The following ATP6V1H variants were observed in gnomAD, a reference collection of about 807,000 sequenced individuals.
The protein encoded by ATP6V1H is V-type proton ATPase subunit H.
ATP6V1H carries 39 observed loss-of-function variants against 71.7 expected under a neutral mutation model. The observed-to-expected ratio is 0.54, with a 90% CI of 0.42 to 0.71. The LOEUF (loss-of-function observed/expected upper bound fraction) is 0.71, where lower values mean the gene tolerates loss of function less well. Ranked by LOEUF, ATP6V1H falls within the 30% of genes least tolerant of loss-of-function variation. The pLI is 0.00. For synonymous variants in ATP6V1H, 192 were observed against 199.3 expected (o/e 0.96, Z 0.31); for missense variants, 509 against 594.9 (o/e 0.86, Z 1.50).
chr8:53,808,699 G>GATCA (rs1400418056), intron 7 of ATP6V1H, among the ~76,000 whole-genome samples: 2 of 151,914 alleles, frequency 1.3e-5, no homozygotes, highest in East Asian at 1.9e-4. Context: ...TGGTGGTTGG[G>GATCA]CTGAGGCTGG....
intron 7 of ATP6V1H, among the ~76,000 whole-genome samples, chr8:53,809,581 C>T (rs1409884883): frequency 1.3e-5 from 2 of 152,186 alleles, no homozygotes; most frequent in African/African-American, 4.8e-5. Context: ...CAACACACCA[C>T]CAATTCAGTT....
chr8:53,764,335 C>T (rs1003824854), intron 11 of ATP6V1H, among the ~76,000 whole-genome samples: 6 of 152,118 alleles, frequency 3.9e-5, no homozygotes, highest in African/African-American at 1.4e-4. Flanking sequence ...TAAACTATGA[C>T]CAAACAGGAT....
intron 4 of ATP6V1H, among the ~76,000 whole-genome samples, chr8:53,824,540 C>A (rs1671256294): frequency 6.6e-6 from 1 of 152,022 alleles, no homozygotes; most frequent in African/African-American, 2.4e-5. Flanking sequence ...TGGGATTTAA[C>A]CTCGAATGCA....
At chr8:53,732,673 A>AG (rs1807065032) in intron 13 of ATP6V1H, among the ~76,000 whole-genome samples, 1 of 142,366 alleles carries the variant, frequency 7.0e-6, no homozygotes, top group African/African-American at 3.0e-5. Context: ...AAAAAAAAAG[A>AG]AAAAAAAAAG....
chr8:53,820,327 G>C (rs959772071), intron 4 of ATP6V1H, among the ~76,000 whole-genome samples: 1 of 151,572 alleles, frequency 6.6e-6, no homozygotes, highest in Non-Finnish European at 1.5e-5. Flanking sequence ...GCATCTTTAG[G>C]AGATTGGGTG....
chr8:53,819,580 ATATAT>A lies in ATP6V1H; in HGVS notation c.307-2055_307-2051del, dbSNP rs1563481366. On this transcript the variant is annotated intron_variant, in intron 4 of 13. Transcript: ENST00000359530. ...TATATATATATATATATATATATAT[ATATAT>A]AAAATACACACACATACACACATTG... Among the ~76,000 whole-genome samples the A allele has an allele frequency of 2.5e-4, 32 of 126,914 alleles. 4 individuals are homozygous for A. Among genetic ancestry groups the A allele is most frequent in the East Asian group, 9.3e-4 (4 of 4,322 alleles). The allele number at this position is 126,914 out of a possible 152,430, so 83.3% of individuals were successfully genotyped here. A position where few individuals can be genotyped will look rare whatever the true frequency, so the allele number is the denominator to read the frequency against.
At chr8:53,724,786 T>C (rs938053580) in intron 13 of ATP6V1H, among the ~76,000 whole-genome samples, 1 of 151,762 alleles carries the variant, frequency 6.6e-6, no homozygotes, top group African/African-American at 2.4e-5. Flanking sequence ...CATCATTAGA[T>C]GAACCTATCC....
At chr8:53,822,760 A>G (rs369856822) in intron 4 of ATP6V1H, among the ~76,000 whole-genome samples, 2 of 152,158 alleles carry the variant, frequency 1.3e-5, no homozygotes, top group East Asian at 3.8e-4. Context: ...CAAAAGACTT[A>G]CCTAAAACAA....
chr8:53,837,886 G>A (rs1017512834), intron 2 of ATP6V1H, among the ~76,000 whole-genome samples: 5 of 152,108 alleles, frequency 3.3e-5, no homozygotes, highest in Admixed American at 2.0e-4. Context: ...TCTTTTGGAC[G>A]TAGAGCTGGA....
intron 12 of ATP6V1H, among the ~76,000 whole-genome samples, chr8:53,748,122 C>T (rs1481855990): frequency 6.6e-6 from 1 of 151,668 alleles, no homozygotes; most frequent in Non-Finnish European, 1.5e-5. Flanking sequence ...CACGCCATTG[C>T]ACTCCAGCCT....
At chr8:53,794,594 G>A (rs1809671313) in intron 9 of ATP6V1H, among the ~76,000 whole-genome samples, 1 of 152,160 alleles carries the variant, frequency 6.6e-6, no homozygotes, top group Non-Finnish European at 1.5e-5. Context: ...TCGATCTCCT[G>A]ACCTCAGGTG....
chr8:53,730,546 T>C (rs1027817034), intron 13 of ATP6V1H, among the ~76,000 whole-genome samples: 5 of 152,180 alleles, frequency 3.3e-5, no homozygotes, highest in Admixed American at 6.5e-5. Flanking sequence ...GTACGCACTA[T>C]ATATTGCATC....
intron 8 of ATP6V1H, among the ~76,000 whole-genome samples, chr8:53,798,304 T>A (rs1414561686): frequency 1.3e-5 from 2 of 151,948 alleles, no homozygotes; most frequent in African/African-American, 4.8e-5. Flanking sequence ...GGCAGGTGGA[T>A]TACGAGGTCA....
chr8:53,735,859 A>C (rs1163963210), intron 13 of ATP6V1H, among the ~76,000 whole-genome samples: 1 of 152,202 alleles, frequency 6.6e-6, no homozygotes, highest in Non-Finnish European at 1.5e-5. Context: ...CTAAAGTTGC[A>C]GGTGTTGTTT....
chr8:53,719,915 C>T (rs1945769457), intron 13 of ATP6V1H, among the ~76,000 whole-genome samples: 1 of 152,070 alleles, frequency 6.6e-6, no homozygotes, highest in South Asian at 2.1e-4. Flanking sequence ...TAGAAAACAA[C>T]AAGTGGGTGT....
intron 12 of ATP6V1H, 36 bp from the exon 13 acceptor site, chr8:53,743,726 T>C: frequency 6.8e-7 from 1 of 1,468,234 alleles, no homozygotes; most frequent in Non-Finnish European, 9.4e-7. Context: ...GAAGATGCAA[T>C]TACTCTCAAA....
chr8:53,820,657 AT>A (rs984198889), intron 4 of ATP6V1H, among the ~76,000 whole-genome samples: 2 of 147,162 alleles, frequency 1.4e-5, no homozygotes, highest in Non-Finnish European at 3.0e-5. Flanking sequence ...ACAGAGTGAG[AT>A]TTTATCTCAA....
intron 11 of ATP6V1H, 142 bp from the exon 12 acceptor site, chr8:53,756,798 C>T: frequency 1.8e-6 from 1 of 543,898 alleles, no homozygotes; most frequent in South Asian, 3.5e-5. Flanking sequence ...CACTATTAGA[C>T]ATAAGTTTGC....
intron 11 of ATP6V1H, among the ~76,000 whole-genome samples, chr8:53,758,457 C>A (rs942726711): frequency 1.1e-4 from 17 of 152,144 alleles, no homozygotes; most frequent in Non-Finnish European, 2.1e-4. Context: ...CCACTCATTA[C>A]CCTCGTGTTC....
Sources: gnomAD v4.1 joint callset for allele counts (sites outside exome capture counted in the v4.1 genomes callset) on GRCh38, gnomAD v4.1.1 for gene constraint, MANE v1.5 for transcripts, NCBI Gene and HGNC (gene_info 2026-07-23, HGNC 2026-07-21) for gene names.